BPTF: variants seen among roughly 807,000 people sequenced by gnomAD.
The protein encoded by BPTF is bromodomain PHD finger transcription factor, also known as nucleosome-remodeling factor subunit BPTF.
A neutral mutation model predicts 292.5 loss-of-function variants in BPTF; 18 were observed. The observed-to-expected ratio is 0.06, with a 90% CI of 0.04 to 0.09. The LOEUF is 0.09. BPTF is among the 10% of genes least tolerant of loss of function. The pLI is 1.00. For missense variants in BPTF, 2,726 were observed against 3,498.7 expected (o/e 0.78, Z 5.57); for synonymous variants, 1,225 against 1,251.9 (o/e 0.98, Z 0.45).
chr17:67,844,184 A>C (rs559482712), intron 1 of BPTF, among the ~76,000 whole-genome samples: 9 of 145,214 alleles, frequency 6.2e-5, no homozygotes, highest in Admixed American at 1.4e-4. Flanking sequence ...GGTTCAAGTG[A>C]GTCTCGTGCC....
At chr17:67,844,227 G>C (rs2057839146) in intron 1 of BPTF, among the ~76,000 whole-genome samples, 1 of 151,034 alleles carries the variant, frequency 6.6e-6, no homozygotes, top group South Asian at 2.1e-4. Flanking sequence ...GGGACTACAG[G>C]CATGCACCAC....
Position 67,920,064 on chromosome 17 carries a change from T to C in BPTF, c.5478T>C (p.Asp1826=). The C allele has an allele frequency of 2.5e-6, 4 of 1,611,860 alleles. No individual in the cohort carries two copies. The highest frequency in any genetic ancestry group is 2.2e-5 in the South Asian group (2 of 90,994). Residue 1826 remains aspartate, a synonymous_variant, in exon 13 of 28, where the codon GAT becomes GAC. Transcript: ENST00000306378. The part of the protein sequence containing the change: ...ITTTEIIKRR[D]VGPYGIRSEY... ...CAACAGAAATAATTAAGAGGAGAGA[T>C]GTTGGTCCTTATGGCATTCGATCTG...
rs1303995146 is a variant in BPTF, at chr17:67,946,266, G to C, written c.7558G>C (p.Glu2520Gln). The change falls in exon 21 of 28, where the codon GAA becomes CAA. Residue 2520 changes from glutamate (E) to glutamine (Q), a missense_variant. Physicochemically the swap from Glu to Gln is conservative, Grantham distance 29. Transcript: ENST00000306378. ...GCAAAAGAAGAAACAGCAACAGATA[G>C]AAATTAAGCGTGAACACACCCTCCA... Reference protein sequence around the residue: ...QQQKKKQQQIEIKREHTLQAS... With the variant: ...QQQKKKQQQIQIKREHTLQAS... The C allele has an allele frequency of 3.1e-5, 50 of 1,614,048 alleles. No individual in the cohort carries two copies. Among genetic ancestry groups the C allele is most frequent in the Non-Finnish European group, 4.1e-5 (48 of 1,180,048 alleles).
At chr17:67,859,437 T>G (rs2058941451) in intron 2 of BPTF, among the ~76,000 whole-genome samples, 1 of 152,258 alleles carries the variant, frequency 6.6e-6, no homozygotes. Flanking sequence ...TGAGCCACCA[T>G]GCCCTGCCTT....
chr17:67,909,877 A>G (rs913064031), intron 10 of BPTF, 116 bp downstream of exon 10: 18 of 823,334 alleles, frequency 2.2e-5, no homozygotes, highest in Non-Finnish European at 3.1e-5. Context: ...TTATCAAAAC[A>G]TAATTGATAT....
intron 2 of BPTF, among the ~76,000 whole-genome samples, chr17:67,865,197 A>G (rs2059329324): frequency 6.6e-6 from 1 of 152,130 alleles, no homozygotes; most frequent in African/African-American, 2.4e-5. Context: ...TGGATCTTGG[A>G]GCATTTTGGA....
At chr17:67,964,727 A>G (rs57373284) in intron 25 of BPTF, among the ~76,000 whole-genome samples, 16,703 of 150,658 alleles carry the variant, frequency 0.11, 1,656 homozygotes, top group African/African-American at 0.27. Flanking sequence ...TTGGCCGGGC[A>G]TGGTGGCTCA....
chr17:67,937,518 A>G (rs770630894), intron 18 of BPTF, among the ~76,000 whole-genome samples: 13 of 152,204 alleles, frequency 8.5e-5, no homozygotes, highest in Middle Eastern at 3.2e-3. Flanking sequence ...CACTAACAAG[A>G]TGAAATTTGG....
intron 26 of BPTF, among the ~76,000 whole-genome samples, chr17:67,967,244 C>T (rs2068217773): frequency 6.7e-6 from 1 of 149,866 alleles, no homozygotes; most frequent in Non-Finnish European, 1.5e-5. Context: ...CAGGTTCAAG[C>T]AATTCTCCTG....
chr17:67,976,270 C>G (rs1599048087), intron 27 of BPTF, among the ~76,000 whole-genome samples: 1 of 152,140 alleles, frequency 6.6e-6, no homozygotes, highest in African/African-American at 2.4e-5. Context: ...GTCAGGAGTT[C>G]GAGCCCAGAC....
In BPTF at chr17:67,911,274, T is replaced by C; in HGVS notation, c.3390T>C (p.Asn1130=). 1 of 1,614,036 alleles carries C rather than the reference T, an allele frequency of 6.2e-7. No homozygotes were observed. Among genetic ancestry groups the C allele is most frequent in the Non-Finnish European group, 8.5e-7 (1 of 1,179,988 alleles). ...AAGAACAGAGCCCAAATGCAAATAA[T>C]GATCAACCTGAGGACTTGATTCAGG... The part of the protein sequence containing the change: ...MRQEQSPNAN[N]DQPEDLIQGC... The change falls in exon 11 of 28, where the codon AAT becomes AAC. Residue 1130 remains asparagine (N), a synonymous_variant. Coordinates refer to ENST00000306378, the MANE Select transcript of BPTF (RefSeq NM_182641.4).
intron 3 of BPTF, 112 bp from the exon 4 acceptor site, chr17:67,874,705 C>A: frequency 1.5e-6 from 1 of 675,052 alleles, no homozygotes; most frequent in Non-Finnish European, 2.5e-6. Context: ...TTTAAAAATA[C>A]TTAATTTTTC....
chr17:67,829,167 GTT>G (rs946247374), intron 1 of BPTF, among the ~76,000 whole-genome samples: 2 of 138,922 alleles, frequency 1.4e-5, no homozygotes. Context: ...ATCAGTGAAT[GTT>G]TTTTTTTTTT....
Position 67,875,014 on chromosome 17 carries a change from T to G in BPTF, c.1858T>G (p.Ser620Ala), listed in dbSNP as rs1187234844. 6.2e-7 allele frequency: 1 copy of G among 1,601,298 alleles called. No homozygotes were observed. The highest frequency in any genetic ancestry group is 1.1e-5 in the South Asian group (1 of 88,464). The change falls in exon 4 of 28, where the codon TCT (serine) becomes GCT (alanine). Residue 620 changes from serine (S) to alanine (A), a missense_variant. By Grantham distance (99) the Ser-to-Ala change is moderately conservative. Transcript: ENST00000306378. ...TPDDDPEQGK[S>A]EVGDFKSEKS... Reference sequence around the variant, plus strand: ...AGATGATGACCCTGAGCAAGGAAAATCTGAGGGTAAAAAAATTACTTGATT... The same window carrying G: ...AGATGATGACCCTGAGCAAGGAAAAGCTGAGGGTAAAAAAATTACTTGATT...
intron 4 of BPTF, among the ~76,000 whole-genome samples, chr17:67,888,089 A>T (rs2060859891): frequency 6.6e-6 from 1 of 152,230 alleles, no homozygotes; most frequent in South Asian, 2.1e-4. Context: ...AGCATAGTAA[A>T]TATCTACACT....
chr17:67,905,484 A>C (rs534588889), intron 9 of BPTF, among the ~76,000 whole-genome samples: 5 of 152,074 alleles, frequency 3.3e-5, no homozygotes, highest in African/African-American at 4.8e-5. Flanking sequence ...AGGCAGGAGG[A>C]TCACTTGAGG....
chr17:67,961,467 A>AG (rs1262671746), intron 24 of BPTF, among the ~76,000 whole-genome samples: 3 of 146,530 alleles, frequency 2.0e-5, no homozygotes, highest in Non-Finnish European at 1.5e-5. Flanking sequence ...TCCAGAACAC[A>AG]GCCTATCACC....
chr17:67,925,760 C>G (rs1179711973), intron 15 of BPTF, among the ~76,000 whole-genome samples: 1 of 151,962 alleles, frequency 6.6e-6, no homozygotes, highest in Non-Finnish European at 1.5e-5. Context: ...TTTTCCCTTT[C>G]ATTTTATAAA....
At chr17:67,831,576 T>C (rs1442985492) in intron 1 of BPTF, among the ~76,000 whole-genome samples, 2 of 152,198 alleles carry the variant, frequency 1.3e-5, no homozygotes, top group Admixed American at 1.3e-4. Context: ...CCAGGAACTC[T>C]GGTCTCTTCT....
Sources: gnomAD v4.1 joint callset for allele counts (sites outside exome capture counted in the v4.1 genomes callset) on GRCh38, gnomAD v4.1.1 for gene constraint, MANE v1.5 for transcripts, NCBI Gene and HGNC (gene_info 2026-07-23, HGNC 2026-07-21) for gene names.